INPPL1: variants seen among roughly 807,000 people sequenced by gnomAD.
The protein encoded by INPPL1 is inositol polyphosphate phosphatase like 1.
In INPPL1, 91 loss-of-function variants were observed where a neutral mutation model predicts 139.3. The observed-to-expected ratio is 0.65, with a 90% CI of 0.55 to 0.78. The LOEUF is 0.78. Ranked by LOEUF, INPPL1 falls within the 30% of genes least tolerant of loss-of-function variation. INPPL1 has a pLI of 0.00. For missense variants in INPPL1, 1,411 were observed against 1,665.6 expected, an observed-to-expected ratio of 0.85 and a Z score of 2.66; for synonymous variants, 719 against 686.6, an observed-to-expected ratio of 1.05 and a Z score of -0.74.
At position 72,235,176 on chromosome 11, in the gene INPPL1, A is replaced by T; in HGVS notation, c.2476A>T (p.Lys826Ter). The T allele has an allele frequency of 6.2e-7, 1 of 1,614,084 alleles. No homozygotes were observed. The change falls in exon 22 of 28, where the codon AAG becomes TAG. Residue 826 changes from lysine to a stop codon, truncating the protein, a stop_gained. Coordinates refer to ENST00000298229, the MANE Select transcript of INPPL1 (RefSeq NM_001567.4). LOFTEE classifies it high-confidence loss of function. The surrounding 1 kb of genome is among the most constrained non-coding windows in gnomAD (Gnocchi z 4.9). ...GGACCAGCACCTCCTGCTCACAGTC[A>T]AGTCCATGGATGGCTATGAATCCTA... is the stretch of plus-strand genomic sequence containing the variant. ...LQDQHLLLTV[K>*]SMDGYESYGE...
Position 72,238,435 on chromosome 11 carries a change from A to T in INPPL1, c.*82A>T. The T allele has an allele frequency of 3.2e-6, 4 of 1,232,330 alleles. No homozygotes were observed. The highest frequency in any genetic ancestry group is 3.3e-6 in the Non-Finnish European group (3 of 897,874). 76.3% of individuals were successfully genotyped at this position (1,232,330 alleles called of 1,614,324 possible). A position where few individuals can be genotyped will look rare whatever the true frequency, so the allele number is the denominator to read the frequency against. ...GCTATGGCCCCAGGGTTGAAAAGTT[A>T]TGAGGGTCAGGGCAGTATCTCTCTG... On this transcript the variant is annotated 3_prime_UTR_variant, in exon 28 of 28. Transcript: ENST00000298229.
In INPPL1 at chr11:72,230,885, CACCTGGAACATGGGTCAGGCCCG is replaced by C; in HGVS notation, c.1288_1300+10del. 6.2e-7 allele frequency: 1 copy of C among 1,614,052 alleles called. No individual in the cohort carries two copies. The highest frequency in any genetic ancestry group is 8.5e-7 in the Non-Finnish European group (1 of 1,179,970). ...CCGACATGATCTCAGTCTTCATAGG[CACCTGGAACATGGGTCAGGCCCG>C]GGCTGGGGCTGGGGCGGGAGAGAGG... On this transcript the variant is annotated splice_donor_variant and splice_donor_5th_base_variant and coding_sequence_variant and intron_variant, in exon 11 of 28. Coordinates refer to ENST00000298229, the MANE Select transcript of INPPL1 (RefSeq NM_001567.4). LOFTEE classifies it high-confidence loss of function.
At position 72,225,216 on chromosome 11, in the gene INPPL1, G is replaced by A. The variant is rs1354468134; in HGVS notation, c.182+50G>A. 3 of 1,226,732 alleles carry A rather than the reference G, an allele frequency of 2.4e-6. No individual in the cohort carries two copies. The East Asian group carries it at 9.5e-5, about 39-fold the overall frequency. 76.0% of individuals were successfully genotyped at this position (1,226,732 alleles called of 1,614,324 possible). ...GGGCTGGCGTGGACCGGGAGCGCGG[G>A]CACGGCCGGGTGTGGAAAGGGCCCG... is the stretch of plus-strand genomic sequence containing the variant. On this transcript the variant is annotated intron_variant, in intron 1 of 27. Coordinates refer to ENST00000298229, the MANE Select transcript of INPPL1 (RefSeq NM_001567.4).
intron 10 of INPPL1, 51 bp from the exon 11 acceptor site, chr11:72,230,745 G>T (rs779631459): frequency 6.0e-6 from 9 of 1,497,184 alleles, no homozygotes; most frequent in Non-Finnish European, 7.4e-6. Flanking sequence ...CCCTGTGGAC[G>T]GGGGGCTTCC....
chr11:72,225,597 G>C (rs1047003434), intron 1 of INPPL1: 1 of 926,000 alleles, frequency 1.1e-6, no homozygotes, highest in Non-Finnish European at 1.3e-6. Flanking sequence ...GGGATGCCTG[G>C]CAGCTTCCTT....
intron 25 of INPPL1, 57 bp downstream of exon 25, chr11:72,236,043 T>C: frequency 1.1e-6 from 1 of 877,282 alleles, no homozygotes; most frequent in Non-Finnish European, 1.7e-6. Flanking sequence ...TATCCATCAC[T>C]ATCCCCTGCA....
chr11:72,233,838 G>A (rs981723340), intron 19 of INPPL1, 94 bp downstream of exon 19: 9 of 925,688 alleles, frequency 9.7e-6, no homozygotes, highest in Admixed American at 3.5e-5. Flanking sequence ...ATGTAAGTGT[G>A]TGTGTGGGTG....
chr11:72,224,134 G>C (rs1948596932), upstream of INPPL1, among the ~76,000 whole-genome samples: 1 of 152,092 alleles, frequency 6.6e-6, no homozygotes, highest in South Asian at 2.1e-4. Flanking sequence ...GCTGGGAGGG[G>C]CTGCGTGAGA....
In INPPL1 at chr11:72,232,703, T is replaced by C; in HGVS notation, c.1790T>C (p.Leu597Pro). The C allele has an allele frequency of 1.2e-6, 2 of 1,613,978 alleles. No individual in the cohort carries two copies. Among genetic ancestry groups the C allele is most frequent in the Non-Finnish European group, 1.7e-6 (2 of 1,179,990 alleles). ...DRQLNAFDIS[L>P]RFTHLFWFGD... ...CAGCTCAATGCCTTTGACATCTCTCTGCGTTTCACACACCTCTTCTGGTTT... is the reference window on the plus strand; with the variant it reads ...CAGCTCAATGCCTTTGACATCTCTCCGCGTTTCACACACCTCTTCTGGTTT... The change falls in exon 15 of 28, where the codon CTG becomes CCG. Residue 597 changes from leucine (L) to proline (P), a missense_variant. This residue lies in a region of INPPL1 where 363 missense variants were observed against 446.2 expected (regional missense o/e 0.81). Coordinates refer to ENST00000298229, the MANE Select transcript of INPPL1 (RefSeq NM_001567.4).
At chr11:72,225,286 C>A in intron 1 of INPPL1, 120 bp downstream of exon 1, 1 of 1,221,112 alleles carries the variant, frequency 8.2e-7, no homozygotes, top group South Asian at 4.2e-5. Context: ...CGCCTCCACC[C>A]CCCAGAGTGG....
In INPPL1 at chr11:72,231,150, C is replaced by T. The variant is rs369385702; in HGVS notation, c.1458C>T (p.Arg486=). The T allele has an allele frequency of 1.0e-4, 167 of 1,613,352 alleles. No individual in the cohort carries two copies. Among genetic ancestry groups the T allele is most frequent in the Middle Eastern group, 3.3e-4 (2 of 6,080 alleles). Residue 486 remains arginine, a synonymous_variant, in exon 12 of 28, where the codon CGC becomes CGT. Coordinates refer to ENST00000298229, the MANE Select transcript of INPPL1 (RefSeq NM_001567.4). ...VGDREWLDLL[R]GGLKELTDLD... is the part of the protein sequence containing the mutation. ...ACCGCGAGTGGCTGGACCTACTGCGCGGGGGCCTCAAGGAGCTTACGGATC... is the reference window on the plus strand; with the variant it reads ...ACCGCGAGTGGCTGGACCTACTGCGTGGGGGCCTCAAGGAGCTTACGGATC...
chr11:72,230,763 C>T (rs1948809940), intron 10 of INPPL1, 33 bp from the exon 11 acceptor site: 1 of 1,595,270 alleles, frequency 6.3e-7, no homozygotes, highest in African/African-American at 1.3e-5. Context: ...TCCTGGATGC[C>T]TACCCGCCCC....
rs2135429151 is a variant in INPPL1 at position 72,231,025 on chromosome 11, T to A, written c.1333T>A (p.Trp445Arg). 1 of 1,613,992 alleles carries A rather than the reference T, an allele frequency of 6.2e-7. No homozygotes were observed. The highest frequency in any genetic ancestry group is 8.5e-7 in the Non-Finnish European group (1 of 1,179,954). ...ACCACCTCCAAAAAACGTGACATCC[T>A]GGTTCACATCGAAGGGTCTGGGGAA... Reference protein sequence around the residue: ...SVPPPKNVTSWFTSKGLGKTL... With the variant: ...SVPPPKNVTSRFTSKGLGKTL... Residue 445 changes from tryptophan (W) to arginine (R), a missense_variant, in exon 12 of 28, where the codon TGG becomes AGG. By Grantham distance (101) the Trp-to-Arg change is moderately radical (BLOSUM62 -3). Transcript: ENST00000298229.
At chr11:72,225,329 A>T in intron 1 of INPPL1, 163 bp downstream of exon 1, 1 of 985,358 alleles carries the variant, frequency 1.0e-6, no homozygotes, top group Non-Finnish European at 1.2e-6. Context: ...CTGAGGAGGG[A>T]CGCAGGGGCA....
At chr11:72,237,990 G>A in intron 26 of INPPL1, 52 bp from the exon 27 acceptor site, 1 of 1,506,456 alleles carries the variant, frequency 6.6e-7, no homozygotes, top group Non-Finnish European at 8.8e-7. Context: ...TGTGACTGCA[G>A]GTGTTTCTAT....
In INPPL1 at chr11:72,228,895, A is replaced by G. The variant is rs774359053; in HGVS notation, c.518+48A>G. On this transcript the variant is annotated intron_variant, in intron 4 of 27. Coordinates refer to ENST00000298229, the MANE Select transcript of INPPL1 (RefSeq NM_001567.4). The surrounding 1 kb of genome is among the most constrained non-coding windows in gnomAD (Gnocchi z 5.0). ...TGAACAGGAGACCCTTTCTCCTCTG[A>G]GAACTATTTCCCTACCAAAGGTGGG... 25 of 1,534,514 alleles carry G rather than the reference A, an allele frequency of 1.6e-5. No individual in the cohort carries two copies. The highest frequency in any genetic ancestry group is 2.1e-5 in the Non-Finnish European group (24 of 1,142,288).
In INPPL1 at chr11:72,234,795, G is replaced by A. The variant is rs1234927732; in HGVS notation, c.2415+180G>A. On this transcript the variant is annotated intron_variant, in intron 21 of 27. Transcript: ENST00000298229. The surrounding 1 kb of genome is among the most constrained non-coding windows in gnomAD (Gnocchi z 4.2). ...CATGGGCATGAGTGAGGATAAAGGC[G>A]TTTGCTTTATTTTGGGAGTGTGGAA... Among the ~76,000 whole-genome samples the A allele has an allele frequency of 1.3e-5, 2 of 151,656 alleles. No individual in the cohort carries two copies. The highest frequency in any genetic ancestry group is 2.9e-5 in the Non-Finnish European group (2 of 67,914).
At position 72,230,445 on chromosome 11, in the gene INPPL1, G is replaced by T; in HGVS notation, c.1174G>T (p.Asp392Tyr). The T allele has an allele frequency of 6.2e-7, 1 of 1,613,966 alleles. No individual in the cohort carries two copies. The highest frequency in any genetic ancestry group is 8.5e-7 in the Non-Finnish European group (1 of 1,180,044). ...EKEKDRTQRK[D>Y]FIFVSARKRE... ...GGAGAAGGACCGGACTCAGCGCAAG[G>T]ACTTCATCTTTGTCAGTGCCCGGGT... Residue 392 changes from aspartate to tyrosine, a missense_variant, in exon 10 of 28, where the codon GAC becomes TAC. Physicochemically the swap from Asp to Tyr is radical, Grantham distance 160. Transcript: ENST00000298229.
Position 72,239,069 on chromosome 11 carries a change from C to G in INPPL1, c.*716C>G, listed in dbSNP as rs976659512. On this transcript the variant is annotated 3_prime_UTR_variant, in exon 28 of 28. Transcript: ENST00000298229. ...GCCTCCTGGGCAGTCGTAAGGGTTG[C>G]GGCGTGATGTCTTCAATAAATTAAG... is the stretch of plus-strand genomic sequence containing the variant. The G allele has an allele frequency of 5.9e-5, 9 of 152,120 alleles. No individual in the cohort carries two copies. Among genetic ancestry groups the G allele is most frequent in the Admixed American group, 2.0e-4 (3 of 15,278 alleles). 9.4% of individuals were successfully genotyped at this position (152,120 alleles called of 1,614,324 possible).
Sources: allele counts gnomAD v4.1 joint callset (sites outside exome capture counted in the v4.1 genomes callset), GRCh38; gene constraint gnomAD v4.1.1; regional missense constraint gnomAD v4.1.1; non-coding constraint Gnocchi (gnomAD v3.1); transcripts MANE v1.5; gene names NCBI Gene and HGNC (gene_info 2026-07-23, HGNC 2026-07-21).